ZNF853: variants seen among roughly 807,000 people sequenced by gnomAD.
ZNF853 encodes the protein zinc finger protein 853.
Under a neutral mutation model 94.7 loss-of-function variants are expected in ZNF853, and 57 were observed. The observed-to-expected ratio is 0.60, with a 90% confidence interval of 0.49 to 0.75. The LOEUF (loss-of-function observed/expected upper bound fraction) is 0.75. Among genes scored for constraint, ZNF853 ranks in the 30% least tolerant of loss-of-function variants. The pLI is 0.00. For synonymous variants in ZNF853, 448 were observed against 406.3 expected, an observed-to-expected ratio of 1.10 and a Z score of -1.23; for missense variants, 785 against 868.9, an observed-to-expected ratio of 0.90 and a Z score of 1.21.
chr7:6,618,133 TTAC>T, intron 2 of ZNF853, among the ~76,000 whole-genome samples: 1 of 149,598 alleles, frequency 6.7e-6, no homozygotes, highest in Non-Finnish European at 1.5e-5. Context: ...AACACTGTCT[TTAC>T]TACAAATACA....
intron 2 of ZNF853, among the ~76,000 whole-genome samples, chr7:6,619,495 C>T: frequency 1.3e-5 from 2 of 152,090 alleles, no homozygotes; most frequent in Non-Finnish European, 2.9e-5. Context: ...TGGTCTCAAT[C>T]TCCTGACCTC....
chr7:6,616,590 C>G, intron 1 of ZNF853, among the ~76,000 whole-genome samples: 1 of 152,018 alleles, frequency 6.6e-6, no homozygotes, highest in Non-Finnish European at 1.5e-5. Context: ...TAAAAATTAG[C>G]TGGGGGTGAT....
Position 6,622,085 on chromosome 7 carries a change from T to TGCAGCAGCTGGAGCAACAGCTGGA in ZNF853, c.1103_1126dup (p.Leu368_Gln375dup). On this transcript the variant is annotated inframe_insertion, in exon 3 of 3. Transcript: ENST00000457543. ...CTGCAGCTCAAACTGCAGGAGGAGC[T>TGCAGCAGCTGGAGCAACAGCTGGA]GCAGCAGCTGGAGCAACAGCTGGAG... 6.5e-7 allele frequency: 1 copy of TGCAGCAGCTGGAGCAACAGCTGGA among 1,544,934 alleles called. No individual in the cohort carries two copies. Among genetic ancestry groups the TGCAGCAGCTGGAGCAACAGCTGGA allele is most frequent in the Non-Finnish European group, 8.7e-7 (1 of 1,146,044 alleles).
At position 6,621,219 on chromosome 7, in the gene ZNF853, T is replaced by A. The variant is rs1237558286; in HGVS notation, c.228T>A (p.Ser76Arg). Residue 76 changes from serine to arginine, a missense_variant, in exon 3 of 3, where the codon AGT becomes AGA. Ser to Arg is a moderately radical substitution (Grantham distance 110). Transcript: ENST00000457543. ...RPAVSAPVGA[S>R]EIAEETRPGQ... ...CAGTCTCGGCCCCAGTGGGGGCCAG[T>A]GAAATCGCTGAGGAAACCCGGCCGG... 4.5e-6 allele frequency: 7 copies of A among 1,540,376 alleles called. No homozygotes were observed. The highest frequency in any genetic ancestry group is 8.8e-7 in the Non-Finnish European group (1 of 1,140,996).
In ZNF853 at chr7:6,623,419, G is replaced by A. The variant is rs1583431495; in HGVS notation, c.*448G>A. 1 of 398,550 alleles carries A rather than the reference G, an allele frequency of 2.5e-6. No homozygotes were observed. The highest frequency in any genetic ancestry group is 4.4e-6 in the Non-Finnish European group (1 of 226,074). 24.7% of individuals were successfully genotyped at this position (398,550 alleles called of 1,614,324 possible). ...TGAAAATGATCGCAAGGAGAAATTCGGGGAGGAAGCAAACTTGTTTGCACT... is the reference window on the plus strand; with the variant it reads ...TGAAAATGATCGCAAGGAGAAATTCAGGGAGGAAGCAAACTTGTTTGCACT... On this transcript the variant is annotated 3_prime_UTR_variant, in exon 3 of 3. Transcript: ENST00000457543.
At chr7:6,617,592 G>A (rs1454008459) in intron 2 of ZNF853, 2 of 985,376 alleles carry the variant, frequency 2.0e-6, no homozygotes, top group East Asian at 2.3e-4. Flanking sequence ...CAGCCAGAGG[G>A]CCTCCACCAT....
intron 2 of ZNF853, among the ~76,000 whole-genome samples, chr7:6,618,828 C>T: frequency 2.0e-5 from 3 of 152,058 alleles, no homozygotes; most frequent in African/African-American, 7.2e-5. Context: ...TCTCATTCCT[C>T]CCAGAAGAGG....
In ZNF853 at chr7:6,622,363, G is replaced by C. The variant is rs1331052322; in HGVS notation, c.1372G>C (p.Val458Leu). The C allele has an allele frequency of 7.0e-7, 1 of 1,432,312 alleles. No individual in the cohort carries two copies. The highest frequency in any genetic ancestry group is 1.4e-5 in the South Asian group (1 of 72,186). The allele number at this position is 1,432,312 out of a possible 1,614,324, so 88.7% of individuals were successfully genotyped here. Residue 458 changes from valine to leucine, a missense_variant, in exon 3 of 3, where the codon GTG becomes CTG. Coordinates refer to ENST00000457543, the MANE Select transcript of ZNF853 (RefSeq NM_017560.3). ...VLPAVAAPAV[V>L]AIPGPAGSAA... ...GCCCGCCGTGGCAGCGCCGGCCGTG[G>C]TGGCCATCCCGGGCCCGGCAGGCAG...
Position 6,621,819 on chromosome 7 carries a change from G to T in ZNF853, c.828G>T (p.Gln276His). The change falls in exon 3 of 3, where the codon CAG (glutamine) becomes CAT (histidine). Residue 276 changes from glutamine (Q) to histidine (H), a missense_variant. By Grantham distance (24) the Gln-to-His change is conservative. Transcript: ENST00000457543. Reference sequence around the variant, plus strand: ...AACAGCAGCAGGCACAGTTACAGCAGCAGCTACTGCTGCAGCAGCAGGAAC... The same window carrying T: ...AACAGCAGCAGGCACAGTTACAGCATCAGCTACTGCTGCAGCAGCAGGAAC... Reference protein sequence around the residue: ...LLEQQQAQLQQQLLLQQQEQL... With the variant: ...LLEQQQAQLQHQLLLQQQEQL... 1 of 1,550,484 alleles carries T rather than the reference G, an allele frequency of 6.4e-7. No individual in the cohort carries two copies. Among genetic ancestry groups the T allele is most frequent in the Non-Finnish European group, 8.7e-7 (1 of 1,146,704 alleles).
chr7:6,618,716 A>G, intron 2 of ZNF853, among the ~76,000 whole-genome samples: 1 of 152,154 alleles, frequency 6.6e-6, no homozygotes, highest in Non-Finnish European at 1.5e-5. Context: ...GTTTAAAACA[A>G]ACAAACAAAC....
At chr7:6,617,661 A>G (rs529043928) in intron 2 of ZNF853, 1 of 985,122 alleles carries the variant, frequency 1.0e-6, no homozygotes, top group Middle Eastern at 5.2e-4. Context: ...GATCCGATTC[A>G]GGTACTAATA....
chr7:6,617,399 C>T, intron 2 of ZNF853, 92 bp downstream of exon 2: 1 of 1,059,736 alleles, frequency 9.4e-7, no homozygotes, highest in Non-Finnish European at 1.3e-6. Context: ...TGCACAGACT[C>T]ACACCAGCCA....
At chr7:6,616,962 A>G in intron 1 of ZNF853, among the ~76,000 whole-genome samples, 1 of 152,050 alleles carries the variant, frequency 6.6e-6, no homozygotes, top group Non-Finnish European at 1.5e-5. Flanking sequence ...GCCTCTATGC[A>G]GGTGACAGCC....
At chr7:6,619,259 TTTTGTTTGTTTG>T in intron 2 of ZNF853, among the ~76,000 whole-genome samples, 3 of 150,938 alleles carry the variant, frequency 2.0e-5, no homozygotes, top group African/African-American at 7.3e-5. Context: ...GGGTTGTTGT[TTTTGTTTGTTTG>T]TTTGTTTGTT....
At position 6,621,753 on chromosome 7, in the gene ZNF853, G is replaced by T; in HGVS notation, c.762G>T (p.Leu254=). ...AGCAGGGACAGTTACAGCAGCAACT[G>T]TTGCAGCAGCAGCAGGCACAGTTAC... ...LQQQGQLQQQ[L]LQQQQAQLQQ... The change falls in exon 3 of 3, where the codon CTG becomes CTT. Residue 254 remains leucine (L), a synonymous_variant. Transcript: ENST00000457543. The T allele has an allele frequency of 6.4e-7, 1 of 1,550,696 alleles. No individual in the cohort carries two copies. Among genetic ancestry groups the T allele is most frequent in the Non-Finnish European group, 8.7e-7 (1 of 1,146,962 alleles).
At chr7:6,616,567 A>G in intron 1 of ZNF853, among the ~76,000 whole-genome samples, 1 of 151,930 alleles carries the variant, frequency 6.6e-6, no homozygotes, top group African/African-American at 2.4e-5. Context: ...ATCATCTACA[A>G]TATAAAAAAA....
chr7:6,619,259 T>TTTTG, intron 2 of ZNF853, among the ~76,000 whole-genome samples: 3,550 of 151,036 alleles, frequency 0.024, 44 homozygotes, highest in Admixed American at 0.029. Flanking sequence ...GGGTTGTTGT[T>TTTTG]TTTGTTTGTT....
chr7:6,620,857 GCCC>G, intron 2 of ZNF853, among the ~76,000 whole-genome samples: 1 of 152,192 alleles, frequency 6.6e-6, no homozygotes. Context: ...CTGGCAATCT[GCCC>G]ACCTCGGCCT....
Position 6,617,137 on chromosome 7 carries a change from C to G in ZNF853, c.13-53C>G. The G allele has an allele frequency of 4.9e-6, 7 of 1,431,068 alleles. No individual in the cohort carries two copies. The East Asian group carries it at 1.6e-4, about 32-fold the overall frequency. 88.6% of individuals were successfully genotyped at this position (1,431,068 alleles called of 1,614,324 possible). A position where few individuals can be genotyped will look rare whatever the true frequency, so the allele number is the denominator to read the frequency against. On this transcript the variant is annotated intron_variant, in intron 1 of 2. Transcript: ENST00000457543. ...CCTTTGGGGGCCTGTGGGCACCTGG[C>G]GGGGGTCAAAGCACTCCAGCCTGGC...
Sources: gnomAD v4.1 joint callset for allele counts (sites outside exome capture counted in the v4.1 genomes callset) on GRCh38, gnomAD v4.1.1 for gene constraint, MANE v1.5 for transcripts, NCBI Gene and HGNC (gene_info 2026-07-23, HGNC 2026-07-21) for gene names.